CCSER2: variants seen among roughly 807,000 people sequenced by gnomAD.
CCSER2 encodes the protein serine-rich coiled-coil domain-containing protein 2.
CCSER2 carries 46 observed loss-of-function variants against 92.3 expected under a neutral mutation model. That is an observed-to-expected ratio of 0.50 (90% confidence interval 0.39 to 0.64). CCSER2 has a LOEUF of 0.64. CCSER2 is among the 30% of genes least tolerant of loss of function. The probability of loss-of-function intolerance (pLI) is 0.00; values close to 1 mark genes in which losing one functional copy is unlikely to be tolerated. For synonymous variants in CCSER2, 433 were observed against 431.4 expected (o/e 1.00, Z -0.04); for missense variants, 1,244 against 1,238.9 (o/e 1.00, Z -0.06).
In CCSER2 at chr10:84,514,416, G is replaced by A; in HGVS notation, c.*149G>A. ...AAATGTGGAAGCTTCTACTAGTTTGGCTCCTTCATTTTATATCCTGGTTGA... is the reference window on the plus strand; with the variant it reads ...AAATGTGGAAGCTTCTACTAGTTTGACTCCTTCATTTTATATCCTGGTTGA... On this transcript the variant is annotated 3_prime_UTR_variant, in exon 10 of 10. Transcript: ENST00000372088. 1.6e-6 allele frequency: 1 copy of A among 623,272 alleles called. No homozygotes were observed. The highest frequency in any genetic ancestry group is 2.2e-5 in the South Asian group (1 of 46,174). 38.6% of individuals were successfully genotyped at this position (623,272 alleles called of 1,614,324 possible). A position where few individuals can be genotyped will look rare whatever the true frequency, so the allele number is the denominator to read the frequency against.
At chr10:84,403,042 C>T (rs1461466387) in intron 3 of CCSER2, among the ~76,000 whole-genome samples, 1 of 152,136 alleles carries the variant, frequency 6.6e-6, no homozygotes, top group Admixed American at 6.6e-5. Context: ...GCAAGAATTA[C>T]TCTACCTGAT....
At chr10:84,488,765 T>G (rs974455046) in intron 9 of CCSER2, among the ~76,000 whole-genome samples, 1 of 151,972 alleles carries the variant, frequency 6.6e-6, no homozygotes, top group Non-Finnish European at 1.5e-5. Flanking sequence ...CTTAGTTATT[T>G]CTTGCCTTCT....
At chr10:84,498,045 T>C (rs747100384) in intron 9 of CCSER2, among the ~76,000 whole-genome samples, 1 of 152,240 alleles carries the variant, frequency 6.6e-6, no homozygotes, top group African/African-American at 2.4e-5. Flanking sequence ...AAAGTTTCCC[T>C]GATTCCAAGG....
chr10:84,351,349 A>C (rs1589419011), intron 1 of CCSER2, among the ~76,000 whole-genome samples: 1 of 152,112 alleles, frequency 6.6e-6, no homozygotes, highest in South Asian at 2.1e-4. Flanking sequence ...CTTGTGCCTC[A>C]GTGTCCAGAG....
chr10:84,361,901 A>G (rs377700824), intron 1 of CCSER2, among the ~76,000 whole-genome samples: 1 of 152,178 alleles, frequency 6.6e-6, no homozygotes, highest in East Asian at 1.9e-4. Context: ...CGGCCTCCCA[A>G]AGTGCTGGGA....
chr10:84,407,626 C>T (rs1842442898), intron 3 of CCSER2, among the ~76,000 whole-genome samples: 1 of 152,204 alleles, frequency 6.6e-6, no homozygotes, highest in Non-Finnish European at 1.5e-5. Flanking sequence ...AGCAACAAAA[C>T]TGGTTTTTCT....
chr10:84,486,565 C>G (rs1042362689), intron 9 of CCSER2, among the ~76,000 whole-genome samples: 14 of 152,224 alleles, frequency 9.2e-5, no homozygotes, highest in South Asian at 2.1e-4. Flanking sequence ...CTGTTCATAT[C>G]CTTTGCCCAC....
At chr10:84,340,575 A>T (rs1161926269) in intron 1 of CCSER2, among the ~76,000 whole-genome samples, 1 of 151,802 alleles carries the variant, frequency 6.6e-6, no homozygotes, top group African/African-American at 2.4e-5. Context: ...AGACTTGTTG[A>T]TGATTTATTT....
intron 6 of CCSER2, among the ~76,000 whole-genome samples, chr10:84,453,192 T>G (rs918136429): frequency 2.0e-5 from 3 of 152,126 alleles, no homozygotes; most frequent in Admixed American, 1.3e-4. Flanking sequence ...TGACTTGGTA[T>G]ATGGGGCTTT....
In CCSER2 at chr10:84,417,809, T is replaced by A; in HGVS notation, c.1653T>A (p.Asp551Glu). ...ATCTTGAATCATGTGACCTTGAGGA[T>A]GATGATCTTATGCTTGATGTGGATC... ...LNNLESCDLE[D>E]DDLMLDVDLP... The change falls in exon 4 of 10, where the codon GAT (aspartate) becomes GAA (glutamate). Residue 551 changes from aspartate (D) to glutamate (E), a missense_variant. Physicochemically the swap from Asp to Glu is conservative, Grantham distance 45. Transcript: ENST00000372088. The A allele has an allele frequency of 1.9e-6, 3 of 1,599,408 alleles. No homozygotes were observed. The highest frequency in any genetic ancestry group is 8.6e-7 in the Non-Finnish European group (1 of 1,166,774).
chr10:84,391,788 A>G, intron 3 of CCSER2: 1 of 1,567,150 alleles, frequency 6.4e-7, no homozygotes. Context: ...GAAACATAAG[A>G]GACAATGAGG....
chr10:84,442,755 G>A (rs1400111608), intron 6 of CCSER2, among the ~76,000 whole-genome samples: 1 of 152,170 alleles, frequency 6.6e-6, no homozygotes, highest in Non-Finnish European at 1.5e-5. Flanking sequence ...CAAGGCTACA[G>A]TAACCAAAAC....
At chr10:84,392,296 C>T (rs138224190) in intron 3 of CCSER2, among the ~76,000 whole-genome samples, 1 of 127,794 alleles carries the variant, frequency 7.8e-6, no homozygotes, top group African/African-American at 2.9e-5. Context: ...AGCTACAACT[C>T]TGCACTGGAT....
At chr10:84,441,736 G>GTTTTTTTTT (rs869280119) in intron 6 of CCSER2, among the ~76,000 whole-genome samples, 11 of 43,642 alleles carry the variant, frequency 2.5e-4, no homozygotes, top group East Asian at 1.2e-3. Flanking sequence ...CTGGGAAAAT[G>GTTTTTTTTT]TTTTTTTTTT....
At chr10:84,487,777 GT>G in intron 9 of CCSER2, among the ~76,000 whole-genome samples, 1 of 152,274 alleles carries the variant, frequency 6.6e-6, no homozygotes, top group Non-Finnish European at 1.5e-5. Context: ...CCAACACTAT[GT>G]TGAATAGGAA....
intron 7 of CCSER2, among the ~76,000 whole-genome samples, chr10:84,469,450 A>T (rs1466886737): frequency 6.6e-6 from 1 of 152,088 alleles, no homozygotes; most frequent in Admixed American, 6.6e-5. Flanking sequence ...GCTTTGTAAA[A>T]TGTCTATTTC....
intron 1 of CCSER2, among the ~76,000 whole-genome samples, chr10:84,360,737 T>G (rs1320503368): frequency 4.6e-5 from 7 of 152,194 alleles, no homozygotes. Context: ...AAATACTTTT[T>G]CCTAAGGCCT....
intron 3 of CCSER2, among the ~76,000 whole-genome samples, chr10:84,385,126 T>G (rs1039097343): frequency 1.3e-5 from 2 of 151,452 alleles, no homozygotes; most frequent in East Asian, 1.9e-4. Context: ...ACAAACAAAT[T>G]GAAACATTTC....
At chr10:84,360,679 G>A (rs1025420246) in intron 1 of CCSER2, among the ~76,000 whole-genome samples, 3 of 152,090 alleles carry the variant, frequency 2.0e-5, no homozygotes, top group African/African-American at 4.8e-5. Flanking sequence ...GATTTCCAAC[G>A]TATGAATTCC....
Sources: allele counts gnomAD v4.1 joint callset (sites outside exome capture counted in the v4.1 genomes callset), GRCh38; gene constraint gnomAD v4.1.1; transcripts MANE v1.5; gene names NCBI Gene and HGNC (gene_info 2026-07-23, HGNC 2026-07-21).